The following STAT4 variants were observed in gnomAD, a reference collection of about 807,000 sequenced individuals.
The protein encoded by STAT4 is signal transducer and activator of transcription 4.
A neutral mutation model predicts 110.5 loss-of-function variants in STAT4; 42 were observed. The ratio of observed to expected loss-of-function variants is 0.38; its 90% confidence interval spans 0.30 to 0.49. The LOEUF is 0.49. STAT4 is among the 20% of genes least tolerant of loss of function. The pLI, the probability that STAT4 is intolerant of heterozygous loss-of-function variation, is 0.95. For synonymous variants in STAT4, 284 were observed against 302.2 expected (o/e 0.94, Z 0.63); for missense variants, 632 against 887.9 (o/e 0.71, Z 3.66).
In STAT4 at chr2:191,062,842, T is replaced by C; in HGVS notation, c.861A>G (p.Thr287=). The C allele has an allele frequency of 6.2e-7, 1 of 1,614,010 alleles. No individual in the cohort carries two copies. The highest frequency in any genetic ancestry group is 1.1e-5 in the South Asian group (1 of 91,080). The change falls in exon 9 of 24, where the codon ACA becomes ACG. Residue 287 remains threonine (T), a synonymous_variant. Coordinates refer to ENST00000392320, the MANE Select transcript of STAT4 (RefSeq NM_003151.4). This position sits in a 1 kb window ranked among gnomAD's most constrained non-coding sequence, Gnocchi z 4.9. ...GCATTGGAATGGGATCACCTTCATA[T>C]GTCATTTTGGTAGATTGCTCCTCTA... is the stretch of plus-strand genomic sequence containing the variant. ...EKLEEQSTKM[T]YEGDPIPMQR... is the part of the protein sequence containing the mutation.
At position 191,110,105 on chromosome 2, in the gene STAT4, G is replaced by A. The variant is rs1434405567; in HGVS notation, c.274-33780C>T. On this transcript the variant is annotated intron_variant, in intron 3 of 23. Coordinates refer to ENST00000392320, the MANE Select transcript of STAT4 (RefSeq NM_003151.4). This position sits in a 1 kb window ranked among gnomAD's most constrained non-coding sequence, Gnocchi z 4.5. ...CAGGGCCCTGCATCAGATGCTGGCC[G>A]CACAGCAGCCTCAACCACTTGAGGA... 1.3e-5 allele frequency among the ~76,000 whole-genome samples: 2 copies of A among 152,258 alleles called. No homozygotes were observed. Among genetic ancestry groups the A allele is most frequent in the South Asian group, 2.1e-4 (1 of 4,814 alleles).
rs552990381 is a variant in STAT4, at chr2:191,042,762, T to C, written c.1252-1614A>G. Among the ~76,000 whole-genome samples the C allele has an allele frequency of 7.9e-5, 12 of 150,984 alleles. No individual in the cohort carries two copies. In the South Asian group the frequency reaches 2.5e-3, roughly 32 times the overall value. The stretch of plus-strand genomic sequence containing the variant: ...TGAAGTTAGGTGATGCTTAAATTCA[T>C]TCATTGTATTCTCTCTTTTTTTTTT... On this transcript the variant is annotated intron_variant, in intron 14 of 23. Coordinates refer to ENST00000392320, the MANE Select transcript of STAT4 (RefSeq NM_003151.4). This position sits in a 1 kb window ranked among gnomAD's most constrained non-coding sequence, Gnocchi z 4.2.
At position 191,143,400 on chromosome 2, in the gene STAT4, G is replaced by A. The variant is rs2125451487; in HGVS notation, c.273+3213C>T. Among the ~76,000 whole-genome samples, 1 of 152,256 alleles carries A rather than the reference G, an allele frequency of 6.6e-6. No homozygotes were observed. Among genetic ancestry groups the A allele is most frequent in the South Asian group, 2.1e-4 (1 of 4,828 alleles). ...ACTCAGGGCCACATTGCAAGTGGCA[G>A]GGCCAGGATTCAAGTAACCCTTGCT... On this transcript the variant is annotated intron_variant, in intron 3 of 23. Coordinates refer to ENST00000392320, the MANE Select transcript of STAT4 (RefSeq NM_003151.4). The surrounding 1 kb of genome is among the most constrained non-coding windows in gnomAD (Gnocchi z 5.6).
At position 191,112,408 on chromosome 2, in the gene STAT4, T is replaced by C. The variant is rs919176122; in HGVS notation, c.273+34205A>G. 2.0e-5 allele frequency among the ~76,000 whole-genome samples: 3 copies of C among 152,154 alleles called. No individual in the cohort carries two copies. Among genetic ancestry groups the C allele is most frequent in the Non-Finnish European group, 4.4e-5 (3 of 68,030 alleles). On this transcript the variant is annotated intron_variant, in intron 3 of 23. Transcript: ENST00000392320. The surrounding 1 kb of genome is among the most constrained non-coding windows in gnomAD (Gnocchi z 4.3). ...TGCCAGGACTGTTGTGAGGATATAA[T>C]GAGGTAATGAAAGTAGCACTGTGTA...
intron 15 of STAT4, among the ~76,000 whole-genome samples, chr2:191,040,522 A>G (rs184777434): frequency 1.9e-4 from 29 of 152,224 alleles, no homozygotes; most frequent in Non-Finnish European, 4.0e-4. Flanking sequence ...ATGTATATAA[A>G]GTTCGTAATA....
At chr2:191,136,028 AAAC>A (rs1308945933) in intron 3 of STAT4, among the ~76,000 whole-genome samples, 3 of 151,894 alleles carry the variant, frequency 2.0e-5, no homozygotes, top group African/African-American at 7.3e-5. Context: ...AAAAACCAAA[AAAC>A]AAAAAACCAA....
intron 13 of STAT4, among the ~76,000 whole-genome samples, chr2:191,057,423 C>T (rs184780802): frequency 6.6e-6 from 1 of 152,096 alleles, no homozygotes; most frequent in Non-Finnish European, 1.5e-5. Context: ...TTGTAATTAT[C>T]AGCAAAATAT....
intron 3 of STAT4, among the ~76,000 whole-genome samples, chr2:191,114,686 G>T (rs1698526187): frequency 6.6e-6 from 1 of 152,062 alleles, no homozygotes; most frequent in Admixed American, 6.6e-5. Context: ...AAAGCACTGG[G>T]GCTCTCCTAC....
At chr2:191,131,899 G>C in intron 3 of STAT4, 3 of 1,417,956 alleles carry the variant, frequency 2.1e-6, no homozygotes, top group Non-Finnish European at 1.8e-6. Context: ...CAACCCTGGG[G>C]ACTAAAGCAA....
rs568860294 is a variant in STAT4, at chr2:191,074,229, G to A, written c.373-1039C>T. 7.9e-5 allele frequency among the ~76,000 whole-genome samples: 12 copies of A among 152,334 alleles called. No homozygotes were observed. In the South Asian group the frequency reaches 2.5e-3, roughly 32 times the overall value. On this transcript the variant is annotated intron_variant, in intron 4 of 23. Coordinates refer to ENST00000392320, the MANE Select transcript of STAT4 (RefSeq NM_003151.4). ...AAAAAGTTCTATAACTATTAGAGAT[G>A]TAAGCAGCCCCTTCATCTTAAGTTG...
In STAT4 at chr2:191,143,594, A is replaced by G. The variant is rs1472300228; in HGVS notation, c.273+3019T>C. Among the ~76,000 whole-genome samples the G allele has an allele frequency of 6.6e-6, 1 of 152,216 alleles. No individual in the cohort carries two copies. Among genetic ancestry groups the G allele is most frequent in the Non-Finnish European group, 1.5e-5 (1 of 68,038 alleles). ...ATTGGAAGTAGGTGTAATATAAATA[A>G]TAAAATACTGAAACTAGAGATCTCA... On this transcript the variant is annotated intron_variant, in intron 3 of 23. Transcript: ENST00000392320. The surrounding 1 kb of genome is among the most constrained non-coding windows in gnomAD (Gnocchi z 5.6).
At chr2:191,131,168 A>G (rs1449911731) in intron 3 of STAT4, among the ~76,000 whole-genome samples, 1 of 151,808 alleles carries the variant, frequency 6.6e-6, no homozygotes, top group East Asian at 1.9e-4. Context: ...ATGTAATATA[A>G]TTAAAGATGT....
At position 191,053,131 on chromosome 2, in the gene STAT4, T is replaced by C. The variant is rs1034204081; in HGVS notation, c.1251+1359A>G. ...GTGAGGTGTGATAAATTGGATGTCA[T>C]TGGATGCTGGATTTATAAAGTGCTT... On this transcript the variant is annotated intron_variant, in intron 14 of 23. Transcript: ENST00000392320. This position sits in a 1 kb window ranked among gnomAD's most constrained non-coding sequence, Gnocchi z 4.5. Among the ~76,000 whole-genome samples the C allele has an allele frequency of 2.6e-5, 4 of 152,198 alleles. No individual in the cohort carries two copies. The highest frequency in any genetic ancestry group is 5.9e-5 in the Non-Finnish European group (4 of 68,024).
rs1698496001 is a variant in STAT4, at chr2:191,113,925, C to T, written c.273+32688G>A. Among the ~76,000 whole-genome samples the T allele has an allele frequency of 6.6e-6, 1 of 152,180 alleles. No homozygotes were observed. Among genetic ancestry groups the T allele is most frequent in the Non-Finnish European group, 1.5e-5 (1 of 68,038 alleles). On this transcript the variant is annotated intron_variant, in intron 3 of 23. Coordinates refer to ENST00000392320, the MANE Select transcript of STAT4 (RefSeq NM_003151.4). The surrounding 1 kb of genome is among the most constrained non-coding windows in gnomAD (Gnocchi z 4.8). ...TGATATGCCTCTCCCTTCTGCTCAA[C>T]CACCACAGACAGGAGGTTCCCCTAG... is the stretch of plus-strand genomic sequence containing the variant.
chr2:191,078,975 A>T (rs997978715), intron 3 of STAT4, among the ~76,000 whole-genome samples: 1 of 152,026 alleles, frequency 6.6e-6, no homozygotes, highest in Non-Finnish European at 1.5e-5. Context: ...TTTTTTCCAC[A>T]TGTCTACCAA....
At chr2:191,098,663 C>T (rs573609051) in intron 3 of STAT4, among the ~76,000 whole-genome samples, 6 of 152,192 alleles carry the variant, frequency 3.9e-5, no homozygotes, top group South Asian at 2.1e-4. Context: ...ATGTAAATGA[C>T]GAGTTAATGG....
Position 191,030,752 on chromosome 2 carries a change from C to T in STAT4, c.2220+220G>A, listed in dbSNP as rs894277271. 9 of 456,172 alleles carry T rather than the reference C, an allele frequency of 2.0e-5. No homozygotes were observed. Among genetic ancestry groups the T allele is most frequent in the South Asian group, 1.2e-4 (5 of 41,914 alleles). The allele number at this position is 456,172 out of a possible 1,614,324, so 28.3% of individuals were successfully genotyped here. A position where few individuals can be genotyped will look rare whatever the true frequency, so the allele number is the denominator to read the frequency against. Reference sequence around the variant, plus strand: ...CTCTGGTGGTTTCTGGTGGAAACAACGTAAAGCAGTTTAAGTAACTGAAGG... The same window carrying T: ...CTCTGGTGGTTTCTGGTGGAAACAATGTAAAGCAGTTTAAGTAACTGAAGG... On this transcript the variant is annotated intron_variant, in intron 23 of 23. Coordinates refer to ENST00000392320, the MANE Select transcript of STAT4 (RefSeq NM_003151.4). The surrounding 1 kb of genome is among the most constrained non-coding windows in gnomAD (Gnocchi z 4.4).
In STAT4 at chr2:191,042,898, G is replaced by T. The variant is rs1473304633; in HGVS notation, c.1252-1750C>A. On this transcript the variant is annotated intron_variant, in intron 14 of 23. Coordinates refer to ENST00000392320, the MANE Select transcript of STAT4 (RefSeq NM_003151.4). This position sits in a 1 kb window ranked among gnomAD's most constrained non-coding sequence, Gnocchi z 4.2. ...GGGTCCAAGTGATTCTCCTGCCTCA[G>T]CCTTCTGAGTAGCTGGGATTACAGG... Among the ~76,000 whole-genome samples the T allele has an allele frequency of 1.3e-5, 2 of 151,968 alleles. No individual in the cohort carries two copies. The highest frequency in any genetic ancestry group is 4.8e-5 in the African/African-American group (2 of 41,340).
rs546564198 is a variant in STAT4, at chr2:191,095,122, C to CAA, written c.274-18798_274-18797insTT. 6.9e-3 allele frequency among the ~76,000 whole-genome samples: 1,052 copies of CAA among 152,128 alleles called. 13 individuals carry two copies. The highest frequency in any genetic ancestry group is 0.025 in the African/African-American group (1,017 of 41,470). ...CATAAAGCAAGTCCTGAGAGACCTA[C>CAA]AGAGACTTAGACTCCCACACAATAA... On this transcript the variant is annotated intron_variant, in intron 3 of 23. Transcript: ENST00000392320.
Sources: gnomAD v4.1 joint callset for allele counts (sites outside exome capture counted in the v4.1 genomes callset) on GRCh38, gnomAD v4.1.1 for gene constraint, Gnocchi (gnomAD v3.1) non-coding constraint, MANE v1.5 for transcripts, NCBI Gene and HGNC (gene_info 2026-07-23, HGNC 2026-07-21) for gene names.